Variants in CSNK1D observed in about 807,000 individuals in gnomAD.
CSNK1D encodes the protein casein kinase 1 delta.
A neutral mutation model predicts 46.6 loss-of-function variants in CSNK1D; 16 were observed. The observed-to-expected ratio is 0.34, with a 90% CI of 0.23 to 0.52. CSNK1D has a LOEUF of 0.52. CSNK1D is among the 20% of genes least tolerant of loss of function. The pLI is 0.95. For missense variants in CSNK1D, 398 were observed against 578.4 expected (o/e 0.69, Z 3.20); for synonymous variants, 276 against 228.2 (o/e 1.21, Z -1.89).
At chr17:82,273,717 G>C (rs1409284890), upstream of CSNK1D, 1 of 483,552 alleles carries the variant, frequency 2.1e-6, no homozygotes, top group East Asian at 3.5e-5. The surrounding 1 kb of genome is among the most constrained non-coding windows in gnomAD (Gnocchi z 5.1). Context: ...ACTTCCCCTA[G>C]CAACCCGGCG....
chr17:82,259,080 CCTGGCATCTTCCTTTCT>C (rs1422054520), intron 2 of CSNK1D, among the ~76,000 whole-genome samples: 1 of 152,214 alleles, frequency 6.6e-6, no homozygotes. Context: ...AGACCTGACA[CCTGGCATCTTCCTTTCT>C]CTGAACATAG....
chr17:82,260,495 C>CTGATGTGACTGATGGTGTACTGAG (rs1363458598), intron 2 of CSNK1D, among the ~76,000 whole-genome samples: 1 of 101,228 alleles, frequency 9.9e-6, no homozygotes, highest in Admixed American at 1.1e-4. Flanking sequence ...GGTGTACTGA[C>CTGATGTGACTGATGGTGTACTGAG]TGATGTGACT....
intron 2 of CSNK1D, among the ~76,000 whole-genome samples, chr17:82,263,021 A>C (rs528592015): frequency 6.6e-6 from 1 of 152,264 alleles, no homozygotes; most frequent in Non-Finnish European, 1.5e-5. Flanking sequence ...CTCTACTAAA[A>C]ATACAAAAAT....
Position 82,246,121 on chromosome 17 carries a change from A to T in CSNK1D, c.1198-1290T>A, listed in dbSNP as rs577686065. The stretch of plus-strand genomic sequence containing the variant: ...GTGTCGGCTCCATGTCCAGATGGGC[A>T]TCCTTGCCTCAACCAGGTCCACAGA... On this transcript the variant is annotated intron_variant, in intron 8 of 8. Coordinates refer to ENST00000314028, the MANE Select transcript of CSNK1D (RefSeq NM_001893.6). 32 of 1,552,752 alleles carry T rather than the reference A, an allele frequency of 2.1e-5. No homozygotes were observed. The Admixed American group carries it at 2.9e-4, about 14-fold the overall frequency.
At chr17:82,254,903 G>A (rs1472933948) in intron 3 of CSNK1D, among the ~76,000 whole-genome samples, 9,407 of 112,324 alleles carry the variant, frequency 0.084, 1,219 homozygotes, top group East Asian at 0.17. Flanking sequence ...CAGCTGAGCC[G>A]CCGGGGCCTC....
intron 1 of CSNK1D, chr17:82,267,047 G>A (rs1276414076): frequency 8.3e-5 from 11 of 132,554 alleles, no homozygotes; most frequent in East Asian, 2.2e-4. Flanking sequence ...GTGACAGAGC[G>A]AGACACCGTC....
chr17:82,248,854 G>A lies in CSNK1D; in HGVS notation c.1197+21C>T, dbSNP rs1221894914. 4.4e-6 allele frequency: 7 copies of A among 1,604,430 alleles called. No homozygotes were observed. The highest frequency in any genetic ancestry group is 1.3e-5 in the African/African-American group (1 of 74,892). On this transcript the variant is annotated intron_variant, in intron 8 of 8. Transcript: ENST00000314028. The surrounding 1 kb of genome is among the most constrained non-coding windows in gnomAD (Gnocchi z 4.1). Reference sequence around the variant, plus strand: ...CGGGGTAGCCCGAGGCCCAGCGCCCGCCCGGGAGCTCTGCACCTACCTGTG... The same window carrying A: ...CGGGGTAGCCCGAGGCCCAGCGCCCACCCGGGAGCTCTGCACCTACCTGTG...
Position 82,249,610 on chromosome 17 carries a change from G to A in CSNK1D, c.886-8C>T. 6.4e-7 allele frequency: 1 copy of A among 1,559,984 alleles called. No individual in the cohort carries two copies. Among genetic ancestry groups the A allele is most frequent in the African/African-American group, 1.3e-5 (1 of 74,426 alleles). Reference sequence around the variant, plus strand: ...GGCGGCCCGGCTGGCACCCTGAGGAGGCAGGAGGTGAGGCCGGAATGGAAC... The same window carrying A: ...GGCGGCCCGGCTGGCACCCTGAGGAAGCAGGAGGTGAGGCCGGAATGGAAC... On this transcript the variant is annotated splice_region_variant and splice_polypyrimidine_tract_variant and intron_variant, in intron 6 of 8. Transcript: ENST00000314028. The surrounding 1 kb of genome is among the most constrained non-coding windows in gnomAD (Gnocchi z 6.7).
chr17:82,267,320 TTAAGA>T (rs1410960857), intron 1 of CSNK1D, among the ~76,000 whole-genome samples: 5 of 152,190 alleles, frequency 3.3e-5, no homozygotes, highest in Non-Finnish European at 7.3e-5. Context: ...TTACTGCTCT[TTAAGA>T]TAAGGTTCCC....
intron 2 of CSNK1D, among the ~76,000 whole-genome samples, chr17:82,257,532 C>G (rs1568571392): frequency 6.6e-6 from 1 of 152,146 alleles, no homozygotes; most frequent in Non-Finnish European, 1.5e-5. Flanking sequence ...AGGGAAAGAA[C>G]AAAACACACA....
rs1411506307 is a variant in CSNK1D, at chr17:82,246,805, G to T, written c.1198-1974C>A. 6 of 986,980 alleles carry T rather than the reference G, an allele frequency of 6.1e-6. No homozygotes were observed. The East Asian group carries it at 5.7e-4, about 93-fold the overall frequency. 61.1% of individuals were successfully genotyped at this position (986,980 alleles called of 1,614,324 possible). A position where few individuals can be genotyped will look rare whatever the true frequency, so the allele number is the denominator to read the frequency against. ...TCCTGAGAGGAGCAGAAAGAACAGG[G>T]AAGAGCGACGGCCCGAGGAGGAAGA... On this transcript the variant is annotated intron_variant, in intron 8 of 8. Transcript: ENST00000314028.
intron 1 of CSNK1D, among the ~76,000 whole-genome samples, chr17:82,270,020 C>T (rs1416652865): frequency 6.6e-6 from 1 of 152,266 alleles, no homozygotes; most frequent in South Asian, 2.1e-4. Context: ...CCAGGTCACA[C>T]AACAGGCTGC....
chr17:82,265,913 T>C lies in CSNK1D; in HGVS notation c.77-117A>G, dbSNP rs1041190333. The C allele has an allele frequency of 8.2e-6, 7 of 852,868 alleles. No individual in the cohort carries two copies. The African/African-American group carries it at 1.2e-4, about 14-fold the overall frequency. The allele number at this position is 852,868 out of a possible 1,614,324, so 52.8% of individuals were successfully genotyped here. On this transcript the variant is annotated intron_variant, in intron 1 of 8. Coordinates refer to ENST00000314028, the MANE Select transcript of CSNK1D (RefSeq NM_001893.6). ...CATGAAGGACCAAGTGAGGGATGTG[T>C]TCTCCTTCCTAGCATAGTAAGGCGG...
Position 82,251,698 on chromosome 17 carries a change from A to G in CSNK1D, c.737-171T>C. ...AAGCCTTGAGAAAGCATCGAAAAGT[A>G]TTCAAGTCACGGCCGGGTGCGGCGG... On this transcript the variant is annotated intron_variant, in intron 5 of 8. Coordinates refer to ENST00000314028, the MANE Select transcript of CSNK1D (RefSeq NM_001893.6). This position sits in a 1 kb window ranked among gnomAD's most constrained non-coding sequence, Gnocchi z 4.5. 3.9e-6 allele frequency: 3 copies of G among 775,644 alleles called. No individual in the cohort carries two copies. Among genetic ancestry groups the G allele is most frequent in the Middle Eastern group, 2.9e-4 (1 of 3,396 alleles). The allele number at this position is 775,644 out of a possible 1,614,324, so 48.0% of individuals were successfully genotyped here.
intron 8 of CSNK1D, chr17:82,246,832 T>C (rs1350498483): frequency 1.4e-5 from 14 of 986,172 alleles, no homozygotes; most frequent in African/African-American, 1.7e-5. Flanking sequence ...GGAGGAAGAC[T>C]GGCCGGGGAT....
downstream of CSNK1D, among the ~76,000 whole-genome samples, chr17:82,240,389 C>T (rs73366221): frequency 0.067 from 10,188 of 152,236 alleles, 1,073 homozygotes; most frequent in African/African-American, 0.23. Context: ...CATGGCCTTC[C>T]CCCGCTGGCA....
rs553482550 is a variant in CSNK1D, at chr17:82,256,217, T to C, written c.188-640A>G. Among the ~76,000 whole-genome samples, 38 of 152,304 alleles carry C rather than the reference T, an allele frequency of 2.5e-4. 1 individual carries two copies. Among genetic ancestry groups the C allele is most frequent in the Admixed American group, 2.4e-3 (37 of 15,292 alleles). ...AGTGCTGAAGGCATAATCAACACTATAAAGGCACACGGGCCAGGTGCAGTG... is the reference window on the plus strand; with the variant it reads ...AGTGCTGAAGGCATAATCAACACTACAAAGGCACACGGGCCAGGTGCAGTG... On this transcript the variant is annotated intron_variant, in intron 2 of 8. Coordinates refer to ENST00000314028, the MANE Select transcript of CSNK1D (RefSeq NM_001893.6).
In CSNK1D at chr17:82,253,043, C is replaced by A; in HGVS notation, c.538G>T (p.Ala180Ser). ...ATTCCAAGGTGCGTGTTGATGGAGGCGTACCGCGCCGTCCCCGTGAGGTTC... is the reference window on the plus strand; with the variant it reads ...ATTCCAAGGTGCGTGTTGATGGAGGAGTACCGCGCCGTCCCCGTGAGGTTC... Reference protein sequence around the residue: ...NKNLTGTARYASINTHLGIEQ... With the variant: ...NKNLTGTARYSSINTHLGIEQ... The change falls in exon 4 of 9, where the codon GCC becomes TCC. Residue 180 changes from alanine (A) to serine (S), a missense_variant. Physicochemically the swap from Ala to Ser is moderately conservative, Grantham distance 99 (BLOSUM62 1). This residue lies in a region of CSNK1D where 217 missense variants were observed against 370.3 expected (regional missense o/e 0.59). Coordinates refer to ENST00000314028, the MANE Select transcript of CSNK1D (RefSeq NM_001893.6). 6.2e-7 allele frequency: 1 copy of A among 1,613,916 alleles called. No individual in the cohort carries two copies. The highest frequency in any genetic ancestry group is 8.5e-7 in the Non-Finnish European group (1 of 1,179,926).
At chr17:82,265,883 T>C (rs1490765786) in intron 1 of CSNK1D, 87 bp from the exon 2 acceptor site, 4 of 1,133,688 alleles carry the variant, frequency 3.5e-6, no homozygotes, top group Non-Finnish European at 5.4e-6. Context: ...GCACTATGTG[T>C]TTTCCATGAA....
Sources: gnomAD v4.1 joint callset for allele counts (sites outside exome capture counted in the v4.1 genomes callset) on GRCh38, gnomAD v4.1.1 for gene constraint, gnomAD v4.1.1 regional missense constraint, Gnocchi (gnomAD v3.1) non-coding constraint, MANE v1.5 for transcripts, NCBI Gene and HGNC (gene_info 2026-07-23, HGNC 2026-07-21) for gene names.